MAST4: variants seen among roughly 807,000 people sequenced by gnomAD.
MAST4 encodes the protein microtubule-associated serine/threonine-protein kinase 4.
Under a neutral mutation model 162.7 loss-of-function variants are expected in MAST4, and 89 were observed. That is an observed-to-expected ratio of 0.55 (90% CI 0.46 to 0.65). The LOEUF is 0.65. Among genes scored for constraint, MAST4 ranks in the 30% least tolerant of loss-of-function variants. The pLI, the probability that MAST4 is intolerant of heterozygous loss-of-function variation, is 0.00. For synonymous variants in MAST4, 1,479 were observed against 1,361.1 expected, an observed-to-expected ratio of 1.09 and a Z score of -1.91; for missense variants, 3,153 against 3,374.0, an observed-to-expected ratio of 0.93 and a Z score of 1.62.
intron 4 of MAST4, among the ~76,000 whole-genome samples, chr5:67,042,352 G>A (rs146629545): frequency 3.3e-4 from 50 of 152,288 alleles, no homozygotes; most frequent in Admixed American, 2.0e-4. Flanking sequence ...AAAGACCAGC[G>A]TCTTCTGGTA....
At chr5:67,000,488 C>T (rs1409045499) in intron 4 of MAST4, among the ~76,000 whole-genome samples, 3 of 152,146 alleles carry the variant, frequency 2.0e-5, no homozygotes, top group Non-Finnish European at 4.4e-5. Context: ...TGGTGGCTCA[C>T]GCCTGTAAGC....
chr5:66,909,147 T>C (rs1763575464), intron 4 of MAST4, among the ~76,000 whole-genome samples: 1 of 152,168 alleles, frequency 6.6e-6, no homozygotes. Flanking sequence ...TCTCAGGGGC[T>C]GTTCCATTTC....
intron 1 of MAST4, among the ~76,000 whole-genome samples, chr5:66,617,910 A>G (rs1009042758): frequency 1.3e-5 from 2 of 152,146 alleles, no homozygotes; most frequent in African/African-American, 4.8e-5. Context: ...TGTTCCTGGC[A>G]GCTGGGGTTG....
intron 3 of MAST4, among the ~76,000 whole-genome samples, chr5:66,870,133 G>A (rs531568243): frequency 2.6e-5 from 4 of 152,256 alleles, no homozygotes; most frequent in African/African-American, 7.2e-5. Flanking sequence ...TAACAGGATC[G>A]GTCTTAGGAG....
chr5:66,754,000 T>C (rs1011075698), intron 1 of MAST4, among the ~76,000 whole-genome samples: 6 of 151,526 alleles, frequency 4.0e-5, no homozygotes, highest in African/African-American at 1.5e-4. Flanking sequence ...GTTCAATATA[T>C]GCAAATCAAT....
At chr5:66,799,912 C>T (rs1347680591) in intron 3 of MAST4, among the ~76,000 whole-genome samples, 1 of 152,180 alleles carries the variant, frequency 6.6e-6, no homozygotes. Context: ...TAGTACCTAT[C>T]TCATGTCATT....
chr5:66,840,267 T>C (rs911332308), intron 3 of MAST4, among the ~76,000 whole-genome samples: 4 of 152,196 alleles, frequency 2.6e-5, no homozygotes, highest in African/African-American at 9.6e-5. Flanking sequence ...ACATTTTTCA[T>C]GATGAGATAG....
intron 4 of MAST4, among the ~76,000 whole-genome samples, chr5:66,935,678 T>TTTC (rs1742667515): frequency 3.3e-5 from 5 of 151,380 alleles, no homozygotes; most frequent in Non-Finnish European, 5.9e-5. Context: ...TTCTTTCTTT[T>TTTC]TTTTTTTTTG....
chr5:67,052,617 A>G (rs1295274712), intron 4 of MAST4, among the ~76,000 whole-genome samples: 1 of 152,138 alleles, frequency 6.6e-6, no homozygotes, highest in Admixed American at 6.5e-5. Flanking sequence ...TCACTGATAT[A>G]TCTAGTTAAG....
Position 67,106,129 on chromosome 5 carries a change from G to A in MAST4, c.1356+1554G>A, listed in dbSNP as rs1037661465. On this transcript the variant is annotated intron_variant, in intron 10 of 28. Coordinates refer to ENST00000403625, the MANE Select transcript of MAST4 (RefSeq NM_001164664.2). The stretch of plus-strand genomic sequence containing the variant: ...TCCAGGGATTTCTCTTCCAACTCCC[G>A]TTTTCTACAAGTTTTCTCACGATCT... Among the ~76,000 whole-genome samples the A allele has an allele frequency of 4.6e-5, 7 of 151,982 alleles. No homozygotes were observed. In the East Asian group the frequency reaches 7.7e-4, roughly 17 times the overall value.
rs1271641518 is a variant in MAST4, at chr5:66,893,381, T to TG, written c.643-6570_643-6569insG. Reference sequence around the variant, plus strand: ...CCACCACGCCCAGCTAATTTTTTTTTTTGTGTGTGTGTGTGTGTCTTTTTT... The same window carrying TG: ...CCACCACGCCCAGCTAATTTTTTTTTGTTGTGTGTGTGTGTGTGTCTTTTTT... On this transcript the variant is annotated intron_variant, in intron 3 of 28. Transcript: ENST00000403625. Among the ~76,000 whole-genome samples the TG allele has an allele frequency of 4.3e-3, 620 of 143,448 alleles. 1 individual carries two copies. The highest frequency in any genetic ancestry group is 0.036 in the Middle Eastern group (10 of 278). 94.1% of individuals were successfully genotyped at this position (143,448 alleles called of 152,430 possible). A position where few individuals can be genotyped will look rare whatever the true frequency, so the allele number is the denominator to read the frequency against.
At chr5:66,903,340 A>G (rs181657378) in intron 4 of MAST4, among the ~76,000 whole-genome samples, 11 of 152,158 alleles carry the variant, frequency 7.2e-5, no homozygotes, top group Middle Eastern at 3.4e-3. Context: ...ATACTCAGTG[A>G]TTGTTTTGAA....
At chr5:66,754,315 T>G (rs1017043504) in intron 1 of MAST4, among the ~76,000 whole-genome samples, 1 of 152,176 alleles carries the variant, frequency 6.6e-6, no homozygotes, top group Non-Finnish European at 1.5e-5. Context: ...GGAATTACCT[T>G]TGGAGTTAGC....
intron 4 of MAST4, among the ~76,000 whole-genome samples, chr5:66,949,842 C>T (rs1744459513): frequency 6.6e-6 from 1 of 152,038 alleles, no homozygotes; most frequent in Admixed American, 6.6e-5. Context: ...TGTGTGTATT[C>T]TTATGTATTG....
At chr5:66,615,192 T>C (rs1438862330) in intron 1 of MAST4, among the ~76,000 whole-genome samples, 1 of 152,124 alleles carries the variant, frequency 6.6e-6, no homozygotes, top group Admixed American at 6.5e-5. Context: ...TAGATTTCCC[T>C]GGGCCAGGAA....
chr5:66,960,344 C>T (rs1745858157), intron 4 of MAST4, among the ~76,000 whole-genome samples: 1 of 152,146 alleles, frequency 6.6e-6, no homozygotes, highest in Non-Finnish European at 1.5e-5. Flanking sequence ...TAAAATTGTG[C>T]CCTGATTTTA....
chr5:67,026,616 G>A (rs1406898066), intron 4 of MAST4, among the ~76,000 whole-genome samples: 5 of 151,688 alleles, frequency 3.3e-5, no homozygotes, highest in Non-Finnish European at 7.4e-5. Flanking sequence ...TCCTCCTTTA[G>A]TTGTTGTTAT....
At chr5:66,689,649 T>C (rs1748909953) in intron 1 of MAST4, among the ~76,000 whole-genome samples, 1 of 152,190 alleles carries the variant, frequency 6.6e-6, no homozygotes, top group Non-Finnish European at 1.5e-5. Context: ...CCTGCCCTTG[T>C]CCAATGTACG....
chr5:67,065,935 C>T (rs111852490), intron 5 of MAST4, among the ~76,000 whole-genome samples: 1 of 152,092 alleles, frequency 6.6e-6, no homozygotes, highest in African/African-American at 2.4e-5. Context: ...TGTGCACACA[C>T]TGTGGCAACC....
Sources: gnomAD v4.1 joint callset for allele counts (sites outside exome capture counted in the v4.1 genomes callset) on GRCh38, gnomAD v4.1.1 for gene constraint, MANE v1.5 for transcripts, NCBI Gene and HGNC (gene_info 2026-07-23, HGNC 2026-07-21) for gene names.